The following TLL1 variants were observed in gnomAD, a reference collection of about 807,000 sequenced individuals.
TLL1 encodes the protein tolloid like 1.
TLL1 carries 49 observed loss-of-function variants against 128.2 expected under a neutral mutation model. The ratio of observed to expected loss-of-function variants is 0.38; its 90% CI spans 0.30 to 0.48. The LOEUF (loss-of-function observed/expected upper bound fraction) is 0.48. Ranked by LOEUF, TLL1 falls within the 20% of genes least tolerant of loss-of-function variation. The probability of loss-of-function intolerance (pLI) is 0.96; values close to 1 mark genes in which losing one functional copy is unlikely to be tolerated. For missense variants in TLL1, 1,123 were observed against 1,242.0 expected (o/e 0.90, Z 1.44); for synonymous variants, 454 against 418.8 (o/e 1.08, Z -1.03).
intron 1 of TLL1, among the ~76,000 whole-genome samples, chr4:165,925,527 G>A (rs1310948063): frequency 2.6e-5 from 4 of 152,158 alleles, no homozygotes; most frequent in Admixed American, 6.6e-5. Context: ...TGTTTCTTAT[G>A]GATGAGCAAA....
intron 1 of TLL1, among the ~76,000 whole-genome samples, chr4:165,927,056 AC>A (rs1211389226): frequency 2.6e-5 from 4 of 152,228 alleles, no homozygotes; most frequent in Non-Finnish European, 4.4e-5. Flanking sequence ...ATATTTAGAA[AC>A]TAGAGTAGAA....
chr4:166,008,723 G>A (rs1204728985), intron 7 of TLL1, among the ~76,000 whole-genome samples: 2 of 151,192 alleles, frequency 1.3e-5, no homozygotes, highest in Admixed American at 1.3e-4. Flanking sequence ...TCCCAGGTAA[G>A]GAATTTGGAA....
intron 1 of TLL1, among the ~76,000 whole-genome samples, chr4:165,959,356 C>T (rs1734980349): frequency 6.6e-6 from 1 of 152,090 alleles, no homozygotes; most frequent in Non-Finnish European, 1.5e-5. Context: ...ATGGAATGTT[C>T]TTCCATTTAT....
chr4:166,077,880 T>C (rs1741108581), intron 17 of TLL1, 23 bp from the exon 18 acceptor site: 1 of 1,612,736 alleles, frequency 6.2e-7, no homozygotes, highest in African/African-American at 1.3e-5. Flanking sequence ...CCACACTGTC[T>C]GATATTATGG....
intron 1 of TLL1, among the ~76,000 whole-genome samples, chr4:165,924,824 A>G (rs10029308): frequency 0.61 from 92,848 of 152,042 alleles, 30,081 homozygotes; most frequent in East Asian, 0.98. Flanking sequence ...TAAGGCAGCT[A>G]ATGACTTTAA....
Position 166,081,634 on chromosome 4 carries a change from C to A in TLL1, c.2442+3604C>A, listed in dbSNP as rs148620441. ...TGGCTGTATGATACCAACATCTCTT[C>A]CTCTTGTAGTCTGCCACTATCACAT... On this transcript the variant is annotated intron_variant, in intron 18 of 20. Transcript: ENST00000061240. 4.0e-4 allele frequency among the ~76,000 whole-genome samples: 61 copies of A among 152,282 alleles called. No homozygotes were observed. In the East Asian group the frequency reaches 6.8e-3, roughly 17 times the overall value.
intron 7 of TLL1, 137 bp downstream of exon 7, chr4:166,008,185 A>G: frequency 1.7e-6 from 1 of 605,130 alleles, no homozygotes; most frequent in East Asian, 3.0e-5. Flanking sequence ...AAAATAATTC[A>G]TGAACATTTA....
chr4:165,878,245 A>T (rs1227935625), intron 1 of TLL1, among the ~76,000 whole-genome samples: 1 of 152,076 alleles, frequency 6.6e-6, no homozygotes. Flanking sequence ...AGATATGCAA[A>T]CATTTATTTC....
At chr4:166,060,266 A>C in intron 15 of TLL1, 78 bp downstream of exon 15, 2 of 1,474,316 alleles carry the variant, frequency 1.4e-6, no homozygotes, top group Non-Finnish European at 1.9e-6. Flanking sequence ...TAAAAAAAAA[A>C]AAGATGTAGT....
At chr4:165,944,383 A>C (rs1734149391) in intron 1 of TLL1, among the ~76,000 whole-genome samples, 1 of 152,164 alleles carries the variant, frequency 6.6e-6, no homozygotes, top group Non-Finnish European at 1.5e-5. Flanking sequence ...ACACACAAAT[A>C]ACATCTTATG....
At chr4:165,906,453 G>T (rs1040179923) in intron 1 of TLL1, among the ~76,000 whole-genome samples, 1 of 152,158 alleles carries the variant, frequency 6.6e-6, no homozygotes, top group Admixed American at 6.5e-5. Context: ...CAAGGGCTAG[G>T]ATTTGAACAA....
chr4:165,976,055 A>AAAAAAAAAAAAAC (rs1735868496), intron 1 of TLL1, among the ~76,000 whole-genome samples: 1 of 149,508 alleles, frequency 6.7e-6, no homozygotes, highest in African/African-American at 2.5e-5. Context: ...AAAAAAAAAA[A>AAAAAAAAAAAAAC]AAAGATTATA....
chr4:165,957,918 T>G, intron 1 of TLL1, among the ~76,000 whole-genome samples: 1 of 140,062 alleles, frequency 7.1e-6, no homozygotes, highest in Middle Eastern at 3.7e-3. Context: ...TGTCCATGTG[T>G]TCTCATTGTT....
intron 9 of TLL1, among the ~76,000 whole-genome samples, chr4:166,036,809 G>GTGTT (rs1293679195): frequency 6.6e-6 from 1 of 151,858 alleles, no homozygotes; most frequent in African/African-American, 2.4e-5. Context: ...GTGTGTGTGT[G>GTGTT]TGTGTGTGTG....
intron 19 of TLL1, among the ~76,000 whole-genome samples, chr4:166,095,096 T>C (rs764486147): frequency 4.6e-5 from 7 of 152,160 alleles, no homozygotes; most frequent in Non-Finnish European, 1.0e-4. Flanking sequence ...GACGGCTATT[T>C]TTGATGGATC....
chr4:166,090,292 C>A (rs983931438), intron 18 of TLL1, among the ~76,000 whole-genome samples: 2 of 152,014 alleles, frequency 1.3e-5, no homozygotes, highest in African/African-American at 2.4e-5. Flanking sequence ...TGGCAAATAA[C>A]CTGTAATTTA....
chr4:166,043,276 A>G lies in TLL1; in HGVS notation c.1381A>G (p.Ile461Val). The change falls in exon 12 of 21, where the codon ATC becomes GTC. Residue 461 changes from isoleucine (I) to valine (V), a missense_variant and splice_region_variant. Coordinates refer to ENST00000061240, the MANE Select transcript of TLL1 (RefSeq NM_012464.5). ...GKGFAAVYEA[I>V]CGGEIRKNEG... ...GTTTATTTTTTGGCTTTCTTCAGCG[A>G]TCTGTGGAGGTGAGATACGTAAAAA... 6.2e-7 allele frequency: 1 copy of G among 1,614,096 alleles called. No individual in the cohort carries two copies. The highest frequency in any genetic ancestry group is 8.5e-7 in the Non-Finnish European group (1 of 1,179,980).
chr4:166,074,784 C>A (rs1560854166), intron 16 of TLL1, 94 bp from the exon 17 acceptor site: 2 of 1,468,902 alleles, frequency 1.4e-6, no homozygotes, highest in Non-Finnish European at 9.4e-7. Flanking sequence ...CTTAGTTTAC[C>A]CTTTGGCAGT....
chr4:166,059,315 T>C (rs1037347677), intron 14 of TLL1, among the ~76,000 whole-genome samples: 1 of 152,164 alleles, frequency 6.6e-6, no homozygotes, highest in Non-Finnish European at 1.5e-5. Context: ...ACAATGTATG[T>C]TCTTTTTACT....
Sources: gnomAD v4.1 joint callset for allele counts (sites outside exome capture counted in the v4.1 genomes callset) on GRCh38, gnomAD v4.1.1 for gene constraint, MANE v1.5 for transcripts, NCBI Gene and HGNC (gene_info 2026-07-23, HGNC 2026-07-21) for gene names.